Variants in SLC25A24 observed in about 807,000 individuals in gnomAD.
SLC25A24 encodes the protein solute carrier family 25 member 24, also known as mitochondrial adenyl nucleotide antiporter SLC25A24.
Under a neutral mutation model 60.7 loss-of-function variants are expected in SLC25A24, and 49 were observed. The observed-to-expected ratio is 0.81, with a 90% CI of 0.64 to 1.02. The LOEUF is 1.02. SLC25A24 is among the 50% of genes least tolerant of loss of function. SLC25A24 has a pLI of 0.00. For synonymous variants in SLC25A24, 202 were observed against 200.6 expected (o/e 1.01, Z -0.06); for missense variants, 564 against 586.3 (o/e 0.96, Z 0.39).
chr1:108,189,594 C>A (rs1483272913), intron 1 of SLC25A24, among the ~76,000 whole-genome samples: 1 of 152,106 alleles, frequency 6.6e-6, no homozygotes, highest in Non-Finnish European at 1.5e-5. Flanking sequence ...GTGGGCGGAT[C>A]ACTTGAGGTC....
intron 8 of SLC25A24, among the ~76,000 whole-genome samples, chr1:108,139,413 C>A (rs576413833): frequency 3.3e-5 from 5 of 152,084 alleles, no homozygotes; most frequent in African/African-American, 1.2e-4. Context: ...AGGTTTGCAC[C>A]GGTTACTGAC....
At chr1:108,168,233 G>T (rs1647283096) in intron 3 of SLC25A24, among the ~76,000 whole-genome samples, 1 of 152,022 alleles carries the variant, frequency 6.6e-6, no homozygotes, top group Non-Finnish European at 1.5e-5. Context: ...ACTTTCATTT[G>T]TCCCAGCACA....
chr1:108,148,238 A>G, intron 7 of SLC25A24, 41 bp downstream of exon 7: 1 of 1,194,956 alleles, frequency 8.4e-7, no homozygotes, highest in South Asian at 1.2e-5. Context: ...GACAACCAAC[A>G]CGAACACCAT....
intron 3 of SLC25A24, among the ~76,000 whole-genome samples, chr1:108,163,639 T>G (rs1352613447): frequency 6.6e-6 from 1 of 151,920 alleles, no homozygotes; most frequent in East Asian, 1.9e-4. Flanking sequence ...GTACATTGAT[T>G]TTGTATCCTG....
rs1679858639 is a variant in SLC25A24, at chr1:108,155,078, T to C, written c.727A>G (p.Lys243Glu). The change falls in exon 6 of 10, where the codon AAA (lysine) becomes GAA (glutamate). Residue 243 changes from lysine (K) to glutamate (E), a missense_variant. Lys to Glu is a moderately conservative substitution (Grantham distance 56). Coordinates refer to ENST00000565488, the MANE Select transcript of SLC25A24 (RefSeq NM_013386.5). ...NIFGGFRQMV[K>E]EGGIRSLWRG... The stretch of plus-strand genomic sequence containing the variant: ...CAAAGCGAGCGGATACCTCCTTCTT[T>C]TACCATCTGTCGAAAGCCACCAAAT... The C allele has an allele frequency of 6.2e-7, 1 of 1,612,858 alleles. No individual in the cohort carries two copies. The highest frequency in any genetic ancestry group is 8.5e-7 in the Non-Finnish European group (1 of 1,179,390).
intron 3 of SLC25A24, among the ~76,000 whole-genome samples, chr1:108,171,439 C>A (rs1219622555): frequency 1.3e-5 from 2 of 152,148 alleles, no homozygotes; most frequent in East Asian, 3.9e-4. Flanking sequence ...CTGAAATAAT[C>A]CATAGGCCAC....
At chr1:108,151,974 A>G (rs1302150725) in intron 6 of SLC25A24, among the ~76,000 whole-genome samples, 1 of 152,130 alleles carries the variant, frequency 6.6e-6, no homozygotes. Context: ...TCCATTCCTT[A>G]AAGACATCAC....
chr1:108,139,043 T>C lies in SLC25A24; in HGVS notation c.1249+15A>G. 2.6e-6 allele frequency: 4 copies of C among 1,561,230 alleles called. No homozygotes were observed. Among genetic ancestry groups the C allele is most frequent in the Non-Finnish European group, 3.5e-6 (4 of 1,154,884 alleles). On this transcript the variant is annotated intron_variant, in intron 9 of 9. Transcript: ENST00000565488. ...CAGCACTTTTATCGGTGTGGTTCTG[T>C]AATCAAAAATTCACCTTGAGCCTGC...
chr1:108,177,007 A>G (rs927495245), intron 3 of SLC25A24, among the ~76,000 whole-genome samples: 1 of 152,218 alleles, frequency 6.6e-6, no homozygotes. Flanking sequence ...AATCACTTAC[A>G]TCTGTAGTAG....
chr1:108,155,914 T>C (rs1679884081), intron 5 of SLC25A24, among the ~76,000 whole-genome samples: 1 of 151,630 alleles, frequency 6.6e-6, no homozygotes, highest in Non-Finnish European at 1.5e-5. Flanking sequence ...ATTCTTCTGA[T>C]TGTTTCAGCT....
chr1:108,157,678 G>A (rs575036266), intron 4 of SLC25A24, 58 bp from the exon 5 acceptor site: 23 of 1,558,550 alleles, frequency 1.5e-5, no homozygotes, highest in South Asian at 5.9e-5. Flanking sequence ...CCCAGAAGAC[G>A]TTTTGTTTTA....
chr1:108,182,455 A>G (rs1011680379), intron 2 of SLC25A24, among the ~76,000 whole-genome samples: 1 of 152,222 alleles, frequency 6.6e-6, no homozygotes, highest in Non-Finnish European at 1.5e-5. Context: ...GACATTTACT[A>G]TGCAAAACAT....
chr1:108,135,752 A>G lies in SLC25A24; in HGVS notation c.*901T>C, dbSNP rs1679265095. 6.6e-6 allele frequency: 1 copy of G among 152,660 alleles called. No individual in the cohort carries two copies. The highest frequency in any genetic ancestry group is 1.5e-5 in the Non-Finnish European group (1 of 68,034). 9.5% of individuals were successfully genotyped at this position (152,660 alleles called of 1,614,324 possible). A position where few individuals can be genotyped will look rare whatever the true frequency, so the allele number is the denominator to read the frequency against. On this transcript the variant is annotated 3_prime_UTR_variant, in exon 10 of 10. Coordinates refer to ENST00000565488, the MANE Select transcript of SLC25A24 (RefSeq NM_013386.5). Reference sequence around the variant, plus strand: ...ATAAGCACATCATTTGCTCATGATCAATCCACTTCATGCAATTAAAAAAGA... The same window carrying G: ...ATAAGCACATCATTTGCTCATGATCGATCCACTTCATGCAATTAAAAAAGA...
intron 7 of SLC25A24, among the ~76,000 whole-genome samples, chr1:108,144,631 C>T (rs999202670): frequency 6.6e-6 from 1 of 152,076 alleles, no homozygotes; most frequent in African/African-American, 2.4e-5. Context: ...CTCCCTGTGT[C>T]CATGTATTCT....
intron 8 of SLC25A24, among the ~76,000 whole-genome samples, chr1:108,140,306 T>G (rs1165277532): frequency 1.3e-5 from 2 of 152,074 alleles, no homozygotes; most frequent in Admixed American, 6.5e-5. Context: ...TGGGCAAAAC[T>G]GCCCTTCAAA....
chr1:108,183,020 G>A (rs1341242342), intron 2 of SLC25A24, among the ~76,000 whole-genome samples: 1 of 152,180 alleles, frequency 6.6e-6, no homozygotes, highest in Non-Finnish European at 1.5e-5. Flanking sequence ...AAGCACTGCT[G>A]TATTTCCTTC....
At position 108,135,329 on chromosome 1, in the gene SLC25A24, T is replaced by A. The variant is rs994875867; in HGVS notation, c.*1324A>T. The A allele has an allele frequency of 6.6e-6, 1 of 152,580 alleles. No homozygotes were observed. Among genetic ancestry groups the A allele is most frequent in the Admixed American group, 6.5e-5 (1 of 15,280 alleles). 9.5% of individuals were successfully genotyped at this position (152,580 alleles called of 1,614,324 possible). On this transcript the variant is annotated 3_prime_UTR_variant, in exon 10 of 10. Coordinates refer to ENST00000565488, the MANE Select transcript of SLC25A24 (RefSeq NM_013386.5). ...ATAAAGAAAATGCCTATTACATCATTAGATTTTCATTAAAATGCTGGAAAT... is the reference window on the plus strand; with the variant it reads ...ATAAAGAAAATGCCTATTACATCATAAGATTTTCATTAAAATGCTGGAAAT...
intron 3 of SLC25A24, among the ~76,000 whole-genome samples, chr1:108,170,400 C>A (rs1186473386): frequency 2.0e-5 from 3 of 152,086 alleles, no homozygotes; most frequent in African/African-American, 7.2e-5. Flanking sequence ...AATTTTTATA[C>A]ATGTTCCATA....
chr1:108,173,369 T>C (rs1210835028), intron 3 of SLC25A24, among the ~76,000 whole-genome samples: 1 of 152,230 alleles, frequency 6.6e-6, no homozygotes, highest in Non-Finnish European at 1.5e-5. Flanking sequence ...TTTCCCTCTT[T>C]GCTCAGCACT....
Sources: gnomAD v4.1 joint callset for allele counts (sites outside exome capture counted in the v4.1 genomes callset) on GRCh38, gnomAD v4.1.1 for gene constraint, MANE v1.5 for transcripts, NCBI Gene and HGNC (gene_info 2026-07-23, HGNC 2026-07-21) for gene names.